Variants in TNFSF4 observed in about 807,000 individuals in gnomAD.
The protein encoded by TNFSF4 is tumor necrosis factor ligand superfamily member 4.
TNFSF4 carries 4 observed loss-of-function variants against 7.3 expected under a neutral mutation model. That is an observed-to-expected ratio of 0.55 (90% CI 0.27 to 1.25). The LOEUF (loss-of-function observed/expected upper bound fraction) is 1.25, where lower values mean the gene tolerates loss of function less well. Ranked by LOEUF, TNFSF4 falls within the 50% of genes most tolerant of loss-of-function variation. The pLI, the probability that TNFSF4 is intolerant of heterozygous loss-of-function variation, is 0.12. For missense variants in TNFSF4, 181 were observed against 208.8 expected, an observed-to-expected ratio of 0.87 and a Z score of 0.82; for synonymous variants, 76 against 83.7, an observed-to-expected ratio of 0.91 and a Z score of 0.50.
chr1:173,282,586 G>A, the TNFSF4 span, among the ~76,000 whole-genome samples: 2 of 151,926 alleles, frequency 1.3e-5, no homozygotes, highest in South Asian at 4.2e-4. Context: ...AGCCTCCTGA[G>A]TAGCTGGGAT....
At chr1:173,187,054 CAAAAAAAA>C (rs1175157623) in intron 2 of TNFSF4, among the ~76,000 whole-genome samples, 189 bp from the exon 3 acceptor site, 1 of 126,212 alleles carries the variant, frequency 7.9e-6, no homozygotes, top group African/African-American at 2.9e-5. Context: ...CTGTCTCAAA[CAAAAAAAA>C]AAAAGAAAAA....
At chr1:173,338,037 G>T in the TNFSF4 span, among the ~76,000 whole-genome samples, 3 of 152,128 alleles carry the variant, frequency 2.0e-5, no homozygotes, top group Admixed American at 6.5e-5. Flanking sequence ...TGGCAGGGAT[G>T]GAAGTTATGC....
the TNFSF4 span, among the ~76,000 whole-genome samples, chr1:173,222,336 G>A: frequency 1.3e-5 from 2 of 151,966 alleles, no homozygotes; most frequent in African/African-American, 4.8e-5. Flanking sequence ...TCACCAAAAC[G>A]GTCTGAAATG....
the TNFSF4 span, among the ~76,000 whole-genome samples, chr1:173,429,017 A>G: frequency 1.9e-4 from 29 of 152,202 alleles, no homozygotes; most frequent in South Asian, 1.5e-3. Context: ...AGGAAAAAAA[A>G]AAAGAAAGAA....
the TNFSF4 span, among the ~76,000 whole-genome samples, chr1:173,323,534 A>G: frequency 6.6e-6 from 1 of 152,118 alleles, no homozygotes; most frequent in African/African-American, 2.4e-5. Flanking sequence ...ACGAGTTGAG[A>G]GGGGAAGGCT....
chr1:173,428,994 A>G, the TNFSF4 span, among the ~76,000 whole-genome samples: 1 of 151,924 alleles, frequency 6.6e-6, no homozygotes, highest in Non-Finnish European at 1.5e-5. Flanking sequence ...GTGACAGAGC[A>G]AGACTCTGTC....
chr1:173,426,027 G>C, the TNFSF4 span, among the ~76,000 whole-genome samples: 2 of 152,216 alleles, frequency 1.3e-5, no homozygotes, highest in South Asian at 2.1e-4. Flanking sequence ...CAAGTGCATG[G>C]AGCATCACAG....
chr1:173,432,959 G>A, the TNFSF4 span, among the ~76,000 whole-genome samples: 24 of 152,026 alleles, frequency 1.6e-4, no homozygotes, highest in African/African-American at 4.6e-4. Context: ...TTTCAAAGAC[G>A]GTAAAATGTG....
chr1:173,366,021 G>C, the TNFSF4 span, among the ~76,000 whole-genome samples: 160 of 152,266 alleles, frequency 1.1e-3, 1 homozygote, highest in East Asian at 0.026. Flanking sequence ...CTCATACACT[G>C]TTGGTGGGAA....
the TNFSF4 span, among the ~76,000 whole-genome samples, chr1:173,353,264 G>A: frequency 3.3e-5 from 5 of 152,166 alleles, no homozygotes; most frequent in Non-Finnish European, 7.3e-5. Flanking sequence ...AAATATCCAC[G>A]AAATCTTCAT....
At chr1:173,222,640 A>G in the TNFSF4 span, among the ~76,000 whole-genome samples, 1 of 152,324 alleles carries the variant, frequency 6.6e-6, no homozygotes, top group East Asian at 1.9e-4. Context: ...CCTTTGTGAT[A>G]TGGTCTCTCC....
chr1:173,447,444 T>C, the TNFSF4 span, among the ~76,000 whole-genome samples: 2 of 152,188 alleles, frequency 1.3e-5, no homozygotes, highest in Non-Finnish European at 2.9e-5. Context: ...GGTACCACTC[T>C]GGTACCAGAT....
the TNFSF4 span, among the ~76,000 whole-genome samples, chr1:173,365,028 A>G: frequency 6.6e-6 from 1 of 152,038 alleles, no homozygotes; most frequent in Non-Finnish European, 1.5e-5. Context: ...TTGAGGCTGC[A>G]ATGAGCTATG....
At chr1:173,373,887 C>T in the TNFSF4 span, among the ~76,000 whole-genome samples, 1 of 152,144 alleles carries the variant, frequency 6.6e-6, no homozygotes, top group Non-Finnish European at 1.5e-5. Context: ...TGAGCTTCCC[C>T]AAAGATTATA....
chr1:173,434,758 A>T, the TNFSF4 span, among the ~76,000 whole-genome samples: 1 of 152,220 alleles, frequency 6.6e-6, no homozygotes, highest in Non-Finnish European at 1.5e-5. Context: ...TACAGTGTCT[A>T]AAGAGAATGG....
chr1:173,315,021 T>C, the TNFSF4 span, among the ~76,000 whole-genome samples: 1 of 152,072 alleles, frequency 6.6e-6, no homozygotes, highest in African/African-American at 2.4e-5. Flanking sequence ...GGTGGAAGAT[T>C]TCAACAGTAT....
chr1:173,300,160 G>GATACATAC, the TNFSF4 span, among the ~76,000 whole-genome samples: 8,807 of 146,812 alleles, frequency 0.06, 327 homozygotes, highest in Admixed American at 0.11. Context: ...ATGATTGATA[G>GATACATAC]ATACATACAT....
At chr1:173,254,464 T>G in the TNFSF4 span, among the ~76,000 whole-genome samples, 2 of 152,200 alleles carry the variant, frequency 1.3e-5, no homozygotes, top group African/African-American at 4.8e-5. Flanking sequence ...GACTGGAATC[T>G]CCTGTTTTCA....
At chr1:173,263,271 A>C in the TNFSF4 span, among the ~76,000 whole-genome samples, 1 of 152,226 alleles carries the variant, frequency 6.6e-6, no homozygotes, top group Non-Finnish European at 1.5e-5. Flanking sequence ...TCACAGAATT[A>C]GAAAAAATTA....
Sources: allele counts gnomAD v4.1 joint callset (sites outside exome capture counted in the v4.1 genomes callset), GRCh38; gene constraint gnomAD v4.1.1; transcripts MANE v1.5; gene names NCBI Gene and HGNC (gene_info 2026-07-23, HGNC 2026-07-21).